Variants in ALDH9A1 observed in about 807,000 individuals in gnomAD.
ALDH9A1 encodes 4-trimethylaminobutyraldehyde dehydrogenase.
A neutral mutation model predicts 56.6 loss-of-function variants in ALDH9A1; 42 were observed. That is an observed-to-expected ratio of 0.74 (90% CI 0.58 to 0.96). The LOEUF (loss-of-function observed/expected upper bound fraction) is 0.96. Among genes scored for constraint, ALDH9A1 ranks in the 40% least tolerant of loss-of-function variants. The pLI, the probability that ALDH9A1 is intolerant of heterozygous loss-of-function variation, is 0.00. For synonymous variants in ALDH9A1, 242 were observed against 236.0 expected (o/e 1.03, Z -0.23); for missense variants, 661 against 651.5 (o/e 1.01, Z -0.16).
chr1:165,695,487 CTTTTTTTTT>C (rs34894576), intron 1 of ALDH9A1, 90 bp from the exon 2 acceptor site: 2 of 338,060 alleles, frequency 5.9e-6, no homozygotes, highest in Non-Finnish European at 8.3e-6. Flanking sequence ...TAGTAGTAGT[CTTTTTTTTT>C]TTTTTTTTTT....
chr1:165,688,627 G>A (rs1376679562), intron 2 of ALDH9A1, among the ~76,000 whole-genome samples: 1 of 152,178 alleles, frequency 6.6e-6, no homozygotes, highest in East Asian at 1.9e-4. Flanking sequence ...AGGATCCCTT[G>A]AGCCCAGGAG....
In ALDH9A1 at chr1:165,680,483, T is replaced by C. The variant is rs752294825; in HGVS notation, c.789+4A>G. The C allele has an allele frequency of 1.2e-6, 2 of 1,613,810 alleles. No homozygotes were observed. Among genetic ancestry groups the C allele is most frequent in the South Asian group, 1.1e-5 (1 of 91,034 alleles). On this transcript the variant is annotated splice_donor_region_variant and intron_variant, in intron 5 of 10. Coordinates refer to ENST00000354775, the MANE Select transcript of ALDH9A1 (RefSeq NM_000696.4). Reference sequence around the variant, plus strand: ...GTGTTGACCAATACTGGTTTTGTCCTCACCTTCATGCCAGTGGGCACACTT... The same window carrying C: ...GTGTTGACCAATACTGGTTTTGTCCCCACCTTCATGCCAGTGGGCACACTT...
intron 6 of ALDH9A1, among the ~76,000 whole-genome samples, chr1:165,678,720 A>T (rs1649447842): frequency 6.6e-6 from 1 of 152,004 alleles, no homozygotes. Flanking sequence ...GCAAGTGATC[A>T]AAGTTAAATC....
At chr1:165,666,029 C>T (rs6657651) in intron 9 of ALDH9A1, among the ~76,000 whole-genome samples, 7 of 151,830 alleles carry the variant, frequency 4.6e-5, no homozygotes, top group South Asian at 2.1e-4. Flanking sequence ...GATGAATGGA[C>T]GAACAAAAAG....
intron 6 of ALDH9A1, among the ~76,000 whole-genome samples, chr1:165,669,702 T>G (rs759925612): frequency 3.3e-5 from 5 of 152,152 alleles, no homozygotes; most frequent in Non-Finnish European, 5.9e-5. Flanking sequence ...TGTTTAAATT[T>G]TTTAAAGGCC....
chr1:165,673,929 G>C (rs1649260377), intron 6 of ALDH9A1, among the ~76,000 whole-genome samples: 2 of 152,074 alleles, frequency 1.3e-5, no homozygotes, highest in African/African-American at 2.4e-5. Context: ...CTAAGTCACA[G>C]GATAAGATAG....
chr1:165,680,779 G>A (rs1649526789), intron 4 of ALDH9A1, 96 bp from the exon 5 acceptor site: 6 of 1,202,992 alleles, frequency 5.0e-6, no homozygotes, highest in Non-Finnish European at 5.8e-6. Flanking sequence ...GATTCCAATT[G>A]TTTCCTCTTC....
intron 2 of ALDH9A1, among the ~76,000 whole-genome samples, chr1:165,690,772 T>C (rs1316721778): frequency 6.6e-6 from 1 of 152,086 alleles, no homozygotes; most frequent in East Asian, 1.9e-4. Flanking sequence ...ATAACAGCAG[T>C]CCAAGATGGA....
chr1:165,680,300 T>C (rs547100161), intron 5 of ALDH9A1, among the ~76,000 whole-genome samples, 187 bp downstream of exon 5: 3 of 152,286 alleles, frequency 2.0e-5, no homozygotes, highest in South Asian at 4.1e-4. Flanking sequence ...TCACCCCATG[T>C]GTACTCCCTT....
intron 2 of ALDH9A1, among the ~76,000 whole-genome samples, chr1:165,684,015 G>A (rs999591560): frequency 6.6e-6 from 1 of 152,210 alleles, no homozygotes; most frequent in African/African-American, 2.4e-5. Context: ...CTGATAAGCA[G>A]TAAGGCTGGC....
chr1:165,687,486 G>C (rs950294756), intron 2 of ALDH9A1, among the ~76,000 whole-genome samples: 4 of 151,920 alleles, frequency 2.6e-5, no homozygotes, highest in Admixed American at 1.3e-4. Flanking sequence ...GGGGGTAGAG[G>C]GAGTACATTA....
chr1:165,680,294 C>A lies in ALDH9A1; in HGVS notation c.789+193G>T, dbSNP rs11587760. 0.095 allele frequency among the ~76,000 whole-genome samples: 14,492 copies of A among 152,216 alleles called. 920 individuals are homozygous for A. Among genetic ancestry groups the A allele is most frequent in the Non-Finnish European group, 0.14 (9,506 of 68,000 alleles). On this transcript the variant is annotated intron_variant, in intron 5 of 10. Transcript: ENST00000354775. ...CCCTACCTGGCCTAACACAAATCACCCCATGTGTACTCCCTTTCCCCCTTC... is the reference window on the plus strand; with the variant it reads ...CCCTACCTGGCCTAACACAAATCACACCATGTGTACTCCCTTTCCCCCTTC...
Position 165,682,926 on chromosome 1 carries a change from G to T in ALDH9A1, c.457+55C>A, listed in dbSNP as rs76881273. The T allele has an allele frequency of 5.6e-4, 885 of 1,587,420 alleles. 5 individuals carry two copies. The African/African-American group carries it at 0.011, about 20-fold the overall frequency. On this transcript the variant is annotated intron_variant, in intron 3 of 10. Coordinates refer to ENST00000354775, the MANE Select transcript of ALDH9A1 (RefSeq NM_000696.4). ...CAAAATCTTTGCCCTTCACCACTAG[G>T]CCCTGCTCTTCTGCCTCATTATCAG...
Position 165,669,339 on chromosome 1 carries a change from C to G in ALDH9A1, c.1042G>C (p.Asp348His), listed in dbSNP as rs199768243. ...RIKIGDPLLE[D>H]TRMGPLINRP... The stretch of plus-strand genomic sequence containing the variant: ...TTGATGAGTGGACCCATCCTTGTAT[C>G]TTCCAGAAGGGGATCTCCAATTTTA... The change falls in exon 7 of 11, where the codon GAT (aspartate) becomes CAT (histidine). Residue 348 changes from aspartate (D) to histidine (H), a missense_variant. By Grantham distance (81) the Asp-to-His change is moderately conservative (BLOSUM62 -1). Coordinates refer to ENST00000354775, the MANE Select transcript of ALDH9A1 (RefSeq NM_000696.4). 6.2e-7 allele frequency: 1 copy of G among 1,614,080 alleles called. No homozygotes were observed. The highest frequency in any genetic ancestry group is 2.2e-5 in the East Asian group (1 of 44,880).
At chr1:165,675,893 C>T (rs763731376) in intron 6 of ALDH9A1, among the ~76,000 whole-genome samples, 1 of 152,068 alleles carries the variant, frequency 6.6e-6, no homozygotes, top group Non-Finnish European at 1.5e-5. Flanking sequence ...GTTTATTTTC[C>T]ACAGAGGTAT....
intron 8 of ALDH9A1, 82 bp from the exon 9 acceptor site, chr1:165,667,532 G>C: frequency 6.7e-7 from 1 of 1,495,458 alleles, no homozygotes; most frequent in South Asian, 1.2e-5. Flanking sequence ...TTGAAGATCG[G>C]GTCTCACTAT....
In ALDH9A1 at chr1:165,667,365, C is replaced by A. The variant is rs1213307100; in HGVS notation, c.1293G>T (p.Glu431Asp). Residue 431 changes from glutamate to aspartate, a missense_variant, in exon 9 of 11, where the codon GAG (glutamate) becomes GAT (aspartate). Transcript: ENST00000354775. ...MSILSFDTEA[E>D]VLERANDTTF... is the part of the protein sequence containing the mutation. Reference sequence around the variant, plus strand: ...TGGTATCATTGGCTCTTTCTAGAACCTCAGCTTCAGTGTCAAATGATAAAA... The same window carrying A: ...TGGTATCATTGGCTCTTTCTAGAACATCAGCTTCAGTGTCAAATGATAAAA... 1 of 1,614,102 alleles carries A rather than the reference C, an allele frequency of 6.2e-7. No individual in the cohort carries two copies. Among genetic ancestry groups the A allele is most frequent in the Non-Finnish European group, 8.5e-7 (1 of 1,180,002 alleles).
At chr1:165,680,754 G>C in intron 4 of ALDH9A1, 71 bp from the exon 5 acceptor site, 1 of 1,389,242 alleles carries the variant, frequency 7.2e-7, no homozygotes, top group Non-Finnish European at 9.8e-7. Flanking sequence ...CAGGACTAGA[G>C]GACAATTCAA....
At chr1:165,672,600 A>G (rs1649214379) in intron 6 of ALDH9A1, among the ~76,000 whole-genome samples, 1 of 152,162 alleles carries the variant, frequency 6.6e-6, no homozygotes, top group Admixed American at 6.5e-5. Flanking sequence ...ATAGTTGTAC[A>G]CAACGTGAAT....
Sources: gnomAD v4.1 joint callset for allele counts (sites outside exome capture counted in the v4.1 genomes callset) on GRCh38, gnomAD v4.1.1 for gene constraint, MANE v1.5 for transcripts, NCBI Gene and HGNC (gene_info 2026-07-23, HGNC 2026-07-21) for gene names.